THRB: variants seen among roughly 807,000 people sequenced by gnomAD.
THRB encodes nuclear receptor subfamily 1 group A member 2.
A neutral mutation model predicts 47.8 loss-of-function variants in THRB; 12 were observed. The ratio of observed to expected loss-of-function variants is 0.25; its 90% CI spans 0.16 to 0.41. THRB has a LOEUF of 0.41. THRB is among the 10% of genes least tolerant of loss of function. THRB has a pLI of 1.00. For synonymous variants in THRB, 218 were observed against 212.2 expected, an observed-to-expected ratio of 1.03 and a Z score of -0.24; for missense variants, 348 against 589.2, an observed-to-expected ratio of 0.59 and a Z score of 4.24.
At chr3:24,255,672 G>T (rs1174992736) in intron 3 of THRB, among the ~76,000 whole-genome samples, 1 of 152,180 alleles carries the variant, frequency 6.6e-6, no homozygotes, top group Non-Finnish European at 1.5e-5. Flanking sequence ...AGAAGGGAGG[G>T]ACCCGTACTT....
chr3:24,141,238 C>G (rs574255030), intron 8 of THRB, among the ~76,000 whole-genome samples: 1 of 152,344 alleles, frequency 6.6e-6, no homozygotes, highest in East Asian at 1.9e-4. Flanking sequence ...GATGGTCAGG[C>G]TGGTGAACTG....
intron 3 of THRB, among the ~76,000 whole-genome samples, chr3:24,250,294 G>C (rs1456765674): frequency 2.6e-5 from 4 of 152,174 alleles, no homozygotes; most frequent in African/African-American, 9.7e-5. Flanking sequence ...CTCGCAGGTA[G>C]TATTGACTGC....
intron 1 of THRB, among the ~76,000 whole-genome samples, chr3:24,416,921 G>A (rs557148748): frequency 2.6e-5 from 4 of 151,988 alleles, no homozygotes; most frequent in African/African-American, 9.6e-5. Flanking sequence ...TGCTTTAGAC[G>A]TTAATGTTTG....
At chr3:24,323,219 G>C (rs1406407660) in intron 2 of THRB, among the ~76,000 whole-genome samples, 1 of 151,196 alleles carries the variant, frequency 6.6e-6, no homozygotes, top group South Asian at 2.1e-4. Context: ...TCCTACGCAC[G>C]GTTTTTGGTT....
chr3:24,147,664 C>G (rs1049849001), intron 6 of THRB, among the ~76,000 whole-genome samples: 1 of 152,156 alleles, frequency 6.6e-6, no homozygotes, highest in African/African-American at 2.4e-5. Flanking sequence ...ACGTGATCCT[C>G]AAGTTGAGGC....
intron 3 of THRB, among the ~76,000 whole-genome samples, chr3:24,293,794 G>T (rs1056809527): frequency 3.9e-5 from 6 of 152,214 alleles, no homozygotes; most frequent in African/African-American, 1.4e-4. Context: ...CAAAGCAGAT[G>T]CCATTGTGGC....
At chr3:24,235,347 T>C (rs987706415) in intron 3 of THRB, among the ~76,000 whole-genome samples, 10 of 152,066 alleles carry the variant, frequency 6.6e-5, no homozygotes, top group African/African-American at 2.4e-4. Context: ...TCATGAAAAA[T>C]CTTTCCACGT....
intron 5 of THRB, among the ~76,000 whole-genome samples, chr3:24,169,206 C>G (rs1319414752): frequency 2.0e-5 from 3 of 152,100 alleles, no homozygotes; most frequent in East Asian, 3.9e-4. Context: ...TCCCCTTTGT[C>G]AATATGTGTC....
chr3:24,284,633 A>C (rs1033473040), intron 3 of THRB, among the ~76,000 whole-genome samples: 15 of 150,124 alleles, frequency 1.0e-4, no homozygotes, highest in African/African-American at 3.5e-4. Context: ...CTACCATCAG[A>C]GTGAACAGGC....
intron 9 of THRB, 130 bp from the exon 10 acceptor site, chr3:24,127,887 T>C (rs2033159010): frequency 2.7e-6 from 3 of 1,091,604 alleles, no homozygotes; most frequent in Non-Finnish European, 4.1e-6. Context: ...TTTGAGCCCA[T>C]GGTTTTCCCT....
At chr3:24,218,960 A>C (rs1353057616) in intron 4 of THRB, among the ~76,000 whole-genome samples, 4 of 152,228 alleles carry the variant, frequency 2.6e-5, no homozygotes, top group African/African-American at 7.2e-5. Context: ...ACAATACATT[A>C]AAGCAGCATA....
intron 10 of THRB, 144 bp downstream of exon 10, chr3:24,127,355 A>G (rs2033047760): frequency 1.2e-6 from 1 of 862,754 alleles, no homozygotes; most frequent in African/African-American, 1.7e-5. Context: ...TTCCCAGTCC[A>G]CTGGCAAACC....
intron 1 of THRB, among the ~76,000 whole-genome samples, chr3:24,442,614 C>T (rs1050641484): frequency 2.0e-5 from 3 of 151,858 alleles, no homozygotes; most frequent in African/African-American, 4.8e-5. Context: ...CACCTGAGGT[C>T]GGGAGCTCGA....
Position 24,129,233 on chromosome 3 carries a change from C to G in THRB, c.886-1476G>C, listed in dbSNP as rs140861986. Among the ~76,000 whole-genome samples the G allele has an allele frequency of 2.6e-5, 4 of 152,274 alleles. No homozygotes were observed. The East Asian group carries it at 7.7e-4, about 29-fold the overall frequency. ...AAAAAGCACTGTGATTTGCTTTTGTCTAGGTTCTGATTGTTAAACACAGAT... is the reference window on the plus strand; with the variant it reads ...AAAAAGCACTGTGATTTGCTTTTGTGTAGGTTCTGATTGTTAAACACAGAT... On this transcript the variant is annotated intron_variant, in intron 9 of 10. Coordinates refer to ENST00000646209, the MANE Select transcript of THRB (RefSeq NM_001354712.2).
At chr3:24,354,525 C>T (rs1329083710) in intron 1 of THRB, among the ~76,000 whole-genome samples, 1 of 152,102 alleles carries the variant, frequency 6.6e-6, no homozygotes. Flanking sequence ...ACTTTTTCAA[C>T]ATCTTAGAGT....
rs187168407 is a variant in THRB, at chr3:24,280,341, T to C, written c.-43+16885A>G. Among the ~76,000 whole-genome samples, 207 of 152,260 alleles carry C rather than the reference T, an allele frequency of 1.4e-3. 1 individual carries two copies. Among genetic ancestry groups the C allele is most frequent in the African/African-American group, 4.8e-3 (201 of 41,564 alleles). ...AGCAGGGACAGACTGACACCTCACA[T>C]GGCCAGGTACTCCAACAGACCTGCA... is the stretch of plus-strand genomic sequence containing the variant. On this transcript the variant is annotated intron_variant, in intron 3 of 10. Coordinates refer to ENST00000646209, the MANE Select transcript of THRB (RefSeq NM_001354712.2).
chr3:24,189,941 G>C, intron 5 of THRB, 133 bp downstream of exon 5: 1 of 864,776 alleles, frequency 1.2e-6, no homozygotes, highest in Non-Finnish European at 1.9e-6. Flanking sequence ...AGGACGCCTA[G>C]TAAAAGAACA....
intron 3 of THRB, among the ~76,000 whole-genome samples, chr3:24,273,193 A>G (rs2053539326): frequency 6.6e-6 from 1 of 152,134 alleles, no homozygotes; most frequent in Admixed American, 6.6e-5. Flanking sequence ...ACCTGCCAAC[A>G]ATAATTTTAG....
intron 3 of THRB, among the ~76,000 whole-genome samples, chr3:24,251,916 A>G (rs1321965858): frequency 1.3e-5 from 2 of 152,162 alleles, no homozygotes; most frequent in Non-Finnish European, 1.5e-5. Context: ...CTTAAATAAA[A>G]TATCAGCAAA....
Sources: allele counts gnomAD v4.1 joint callset (sites outside exome capture counted in the v4.1 genomes callset), GRCh38; gene constraint gnomAD v4.1.1; transcripts MANE v1.5; gene names NCBI Gene and HGNC (gene_info 2026-07-23, HGNC 2026-07-21).